CLEC7A: variants seen among roughly 807,000 people sequenced by gnomAD.
CLEC7A encodes the protein C-type lectin domain family 7 member A.
In CLEC7A, 25 loss-of-function variants were observed where a neutral mutation model predicts 26.9. The observed-to-expected ratio is 0.93, with a 90% CI of 0.68 to 1.30. CLEC7A has a LOEUF of 1.30. Ranked by LOEUF, CLEC7A falls within the 50% of genes most tolerant of loss-of-function variation. The pLI is 0.00. For missense variants in CLEC7A, 275 were observed against 286.7 expected (o/e 0.96, Z 0.29); for synonymous variants, 100 against 99.5 (o/e 1.01, Z -0.03).
At chr12:10,127,183 T>C (rs1346881436) in intron 2 of CLEC7A, 1 of 1,079,346 alleles carries the variant, frequency 9.3e-7, no homozygotes, top group Non-Finnish European at 1.3e-6. Context: ...GCATGTGATA[T>C]AAAATGTAAA....
rs772825959 is a variant in CLEC7A, at chr12:10,129,989, AAAC to A, written c.91_93del (p.Val31del). 6.3e-7 allele frequency: 1 copy of A among 1,594,380 alleles called. No homozygotes were observed. The highest frequency in any genetic ancestry group is 8.6e-7 in the Non-Finnish European group (1 of 1,162,220). ...AAAAACATATATATACCTTTCTCTGAAACAACAGCTATCCTGGTATTGCTTTGA... is the reference window on the plus strand; with the variant it reads ...AAAAACATATATATACCTTTCTCTGAAACAGCTATCCTGGTATTGCTTTGA... On this transcript the variant is annotated inframe_deletion, in exon 1 of 6. Coordinates refer to ENST00000304084, the MANE Select transcript of CLEC7A (RefSeq NM_197947.3).
chr12:10,122,497 T>TTTC (rs1948123258), intron 5 of CLEC7A, among the ~76,000 whole-genome samples: 1 of 148,416 alleles, frequency 6.7e-6, no homozygotes, highest in Non-Finnish European at 1.5e-5. Flanking sequence ...TTTTTTTTTT[T>TTTC]TTTTTTTTGA....
At chr12:10,121,715 G>A (rs1948092086) in intron 5 of CLEC7A, among the ~76,000 whole-genome samples, 1 of 152,186 alleles carries the variant, frequency 6.6e-6, no homozygotes, top group South Asian at 2.1e-4. Context: ...TTGAGATAAA[G>A]GAAGGCTTAA....
At chr12:10,121,959 G>T (rs1309153236) in intron 5 of CLEC7A, among the ~76,000 whole-genome samples, 1 of 152,076 alleles carries the variant, frequency 6.6e-6, no homozygotes, top group Admixed American at 6.6e-5. Context: ...AGTGAGCCGA[G>T]ATCGCCATTG....
chr12:10,126,381 G>T, intron 3 of CLEC7A, 190 bp downstream of exon 3: 1 of 979,124 alleles, frequency 1.0e-6, no homozygotes, highest in Non-Finnish European at 1.2e-6. Context: ...AACTGCATAG[G>T]GTACTTATAA....
chr12:10,128,833 G>A (rs761691415), intron 1 of CLEC7A, among the ~76,000 whole-genome samples: 11 of 152,192 alleles, frequency 7.2e-5, no homozygotes, highest in Non-Finnish European at 1.0e-4. Context: ...AATTACATCA[G>A]TGCTGAGAGG....
In CLEC7A at chr12:10,130,061, C is replaced by G. The variant is rs1273871447; in HGVS notation, c.22G>C (p.Glu8Gln). Reference protein sequence around the residue: MEYHPDLENLDEDGYTQL... With the variant: MEYHPDLQNLDEDGYTQL... The stretch of plus-strand genomic sequence containing the variant: ...GTATATCCATCTTCATCCAAATTTT[C>G]TAAATCAGGATGATATTCCATTGTT... The change falls in exon 1 of 6, where the codon GAA becomes CAA. Residue 8 changes from glutamate to glutamine, a missense_variant. Glu to Gln is a conservative substitution (Grantham distance 29). Transcript: ENST00000304084. The G allele has an allele frequency of 6.3e-7, 1 of 1,597,338 alleles. No individual in the cohort carries two copies. Among genetic ancestry groups the G allele is most frequent in the South Asian group, 1.1e-5 (1 of 90,604 alleles).
intron 3 of CLEC7A, chr12:10,126,369 C>A: frequency 2.0e-6 from 2 of 980,426 alleles, no homozygotes; most frequent in Non-Finnish European, 2.4e-6. Context: ...AACTGTCCAG[C>A]CAACTGCATA....
chr12:10,126,736 A>G (rs1468055011), intron 2 of CLEC7A, 28 bp from the exon 3 acceptor site: 1 of 1,568,610 alleles, frequency 6.4e-7, no homozygotes, highest in Non-Finnish European at 8.7e-7. Flanking sequence ...AATAATAGTG[A>G]CAGAAAAAAT....
rs79504271 is a variant in CLEC7A, at chr12:10,119,908, A to G, written c.612-1318T>C. On this transcript the variant is annotated intron_variant, in intron 5 of 5. Transcript: ENST00000304084. ...TTATCAGACACAAGCTAAAACAACT[A>G]TGGTTAGTGTATTCTGAAAGTTAGA... 7.7e-3 allele frequency among the ~76,000 whole-genome samples: 1,165 copies of G among 152,244 alleles called. 24 individuals are homozygous for G. The highest frequency in any genetic ancestry group is 0.026 in the African/African-American group (1,098 of 41,566).
At chr12:10,127,578 C>T (rs898849096) in intron 2 of CLEC7A, 169 bp downstream of exon 2, 3 of 985,132 alleles carry the variant, frequency 3.0e-6, no homozygotes, top group Admixed American at 2.0e-5. Context: ...CAGTCTCTCA[C>T]ACCCTTTATA....
At chr12:10,119,256 A>AAAAG (rs1948003676) in intron 5 of CLEC7A, among the ~76,000 whole-genome samples, 1 of 152,108 alleles carries the variant, frequency 6.6e-6, no homozygotes, top group South Asian at 2.1e-4. Flanking sequence ...ATGACTTGGC[A>AAAAG]CTCTTTGTCC....
At chr12:10,129,288 G>C (rs1435048473) in intron 1 of CLEC7A, among the ~76,000 whole-genome samples, 2 of 151,710 alleles carry the variant, frequency 1.3e-5, no homozygotes, top group African/African-American at 4.8e-5. Context: ...AAGTTTCCTG[G>C]CCTCCATTCG....
intron 5 of CLEC7A, among the ~76,000 whole-genome samples, chr12:10,121,925 G>A (rs1948098620): frequency 6.6e-6 from 1 of 152,026 alleles, no homozygotes; most frequent in African/African-American, 2.4e-5. Context: ...GGAGAATGGC[G>A]TGAACCCGGG....
In CLEC7A at chr12:10,125,310, C is replaced by T. The variant is rs748327912; in HGVS notation, c.479G>A (p.Ser160Asn). 1.9e-6 allele frequency: 3 copies of T among 1,613,500 alleles called. No individual in the cohort carries two copies. The highest frequency in any genetic ancestry group is 2.2e-5 in the East Asian group (1 of 44,862). The change falls in exon 4 of 6, where the codon AGC (serine) becomes AAC (asparagine). Residue 160 changes from serine to asparagine, a missense_variant. By Grantham distance (46) the Ser-to-Asn change is conservative. Coordinates refer to ENST00000304084, the MANE Select transcript of CLEC7A (RefSeq NM_197947.3). ...GTCTACACTTACCAATTCATTTGAG[C>T]TGTCTATCTTTAGGAGATTAGAGCC... ...QLGSNLLKID[S>N]SNELGFIVKQ...
intron 2 of CLEC7A, 97 bp from the exon 3 acceptor site, chr12:10,126,805 G>A: frequency 1.1e-6 from 1 of 933,522 alleles, no homozygotes; most frequent in Non-Finnish European, 1.6e-6. Context: ...TGGAATAAAA[G>A]AATACATTAT....
rs752786951 is a variant in CLEC7A, at chr12:10,125,404, T to C, written c.385A>G (p.Lys129Glu). The C allele has an allele frequency of 5.6e-6, 9 of 1,613,238 alleles. No individual in the cohort carries two copies. The Admixed American group carries it at 1.3e-4, about 24-fold the overall frequency. The change falls in exon 4 of 6, where the codon AAG (lysine) becomes GAG (glutamate). Residue 129 changes from lysine to glutamate, a missense_variant. Physicochemically the swap from Lys to Glu is moderately conservative, Grantham distance 56. Coordinates refer to ENST00000304084, the MANE Select transcript of CLEC7A (RefSeq NM_197947.3). ...GACATGCTGAATAGATAACAGCTCT[T>C]CTCATATATAATCCAATTAGGAGGA... is the stretch of plus-strand genomic sequence containing the variant. The part of the protein sequence containing the change: ...PCPPNWIIYE[K>E]SCYLFSMSLN...
chr12:10,123,370 T>C lies in CLEC7A; in HGVS notation c.493-7A>G, dbSNP rs1426026036. On this transcript the variant is annotated splice_polypyrimidine_tract_variant and splice_region_variant and intron_variant, in intron 4 of 5. Transcript: ENST00000304084. Reference sequence around the variant, plus strand: ...CTTGTTTTACTATAAATCCCTGTAATGAAACATATACAAATATATAATAAA... The same window carrying C: ...CTTGTTTTACTATAAATCCCTGTAACGAAACATATACAAATATATAATAAA... 1 of 1,384,106 alleles carries C rather than the reference T, an allele frequency of 7.2e-7. No individual in the cohort carries two copies. The highest frequency in any genetic ancestry group is 1.0e-6 in the Non-Finnish European group (1 of 970,520). The allele number at this position is 1,384,106 out of a possible 1,614,324, so 85.7% of individuals were successfully genotyped here.
rs71860807 is a variant in CLEC7A at position 10,128,207 on chromosome 12, A to AACACACACAC, written c.104-372_104-363dup. Among the ~76,000 whole-genome samples the AACACACACAC allele has an allele frequency of 3.0e-3, 403 of 132,844 alleles. 4 individuals are homozygous for AACACACACAC. The highest frequency in any genetic ancestry group is 0.011 in the African/African-American group (376 of 33,314). The allele number at this position is 132,844 out of a possible 152,430, so 87.2% of individuals were successfully genotyped here. A position where few individuals can be genotyped will look rare whatever the true frequency, so the allele number is the denominator to read the frequency against. ...AGGCAAAAAAGTGATACCCTGTTAA[A>AACACACACAC]ACACACACACACACACACACACACA... On this transcript the variant is annotated intron_variant, in intron 1 of 5. Coordinates refer to ENST00000304084, the MANE Select transcript of CLEC7A (RefSeq NM_197947.3).
Sources: allele counts gnomAD v4.1 joint callset (sites outside exome capture counted in the v4.1 genomes callset), GRCh38; gene constraint gnomAD v4.1.1; transcripts MANE v1.5; gene names NCBI Gene and HGNC (gene_info 2026-07-23, HGNC 2026-07-21).